The following ANKH variants were observed in gnomAD, a reference collection of about 807,000 sequenced individuals.
ANKH encodes the protein mineralization regulator ANKH.
Under a neutral mutation model 49.0 loss-of-function variants are expected in ANKH, and 15 were observed. That is an observed-to-expected ratio of 0.31 (90% CI 0.20 to 0.47). The LOEUF is 0.47. ANKH is among the 20% of genes least tolerant of loss of function. The pLI is 1.00. For synonymous variants in ANKH, 273 were observed against 260.0 expected, an observed-to-expected ratio of 1.05 and a Z score of -0.48; for missense variants, 429 against 652.0, an observed-to-expected ratio of 0.66 and a Z score of 3.72.
chr5:14,818,963 A>C (rs1312748768), intron 1 of ANKH, among the ~76,000 whole-genome samples: 1 of 152,188 alleles, frequency 6.6e-6, no homozygotes, highest in African/African-American at 2.4e-5. Flanking sequence ...AAATCATACA[A>C]TACTGTATCC....
At chr5:14,821,635 T>G (rs1580094733) in intron 1 of ANKH, among the ~76,000 whole-genome samples, 2 of 152,324 alleles carry the variant, frequency 1.3e-5, no homozygotes, top group African/African-American at 4.8e-5. Context: ...AAGCACAACT[T>G]CCACATTTTC....
Position 14,712,880 on chromosome 5 carries a change from C to T in ANKH, c.1359G>A (p.Arg453=), listed in dbSNP as rs1451110032. 3 of 1,609,094 alleles carry T rather than the reference C, an allele frequency of 1.9e-6. No homozygotes were observed. Among genetic ancestry groups the T allele is most frequent in the Non-Finnish European group, 2.5e-6 (3 of 1,178,270 alleles). Reference sequence around the variant, plus strand: ...CCCGGCGCGGCTGTCTCACCTGCTTCCGGTAGACATAGCACGCAGCGATGG... The same window carrying T: ...CCCGGCGCGGCTGTCTCACCTGCTTTCGGTAGACATAGCACGCAGCGATGG... The part of the protein sequence containing the change: ...MVAIAACYVY[R]KQKKKMENES... Residue 453 remains arginine (R), a synonymous_variant, in exon 11 of 12, where the codon CGG becomes CGA. Transcript: ENST00000284268.
In ANKH at chr5:14,716,811, G is replaced by T; in HGVS notation, c.1036C>A (p.Pro346Thr). ...LTLCFVMFWTPNVSEKILIDI... is the reference protein window; with the variant it reads ...LTLCFVMFWTTNVSEKILIDI... Reference sequence around the variant, plus strand: ...ATCAAGATTTTCTCAGACACGTTGGGTGTCCAAAACATCACGAAACAGAGC... The same window carrying T: ...ATCAAGATTTTCTCAGACACGTTGGTTGTCCAAAACATCACGAAACAGAGC... Residue 346 changes from proline to threonine, a missense_variant, in exon 9 of 12, where the codon CCC becomes ACC. Pro to Thr is a conservative substitution (Grantham distance 38). This residue lies in a region of ANKH where 378 missense variants were observed against 615.3 expected (regional missense o/e 0.61). Transcript: ENST00000284268. The T allele has an allele frequency of 1.2e-6, 2 of 1,614,088 alleles. No homozygotes were observed. The highest frequency in any genetic ancestry group is 1.1e-5 in the South Asian group (1 of 91,076).
At chr5:14,744,438 C>T (rs1738460988) in intron 7 of ANKH, among the ~76,000 whole-genome samples, 1 of 139,140 alleles carries the variant, frequency 7.2e-6, no homozygotes, top group Non-Finnish European at 1.5e-5. Context: ...TTTACCCTTT[C>T]CCACGTGACC....
intron 1 of ANKH, among the ~76,000 whole-genome samples, chr5:14,830,106 A>G (rs886705195): frequency 1.3e-5 from 2 of 152,240 alleles, no homozygotes; most frequent in African/African-American, 4.8e-5. Context: ...AGGATATACT[A>G]AAATCAGCAC....
In ANKH at chr5:14,757,435, T is replaced by C. The variant is rs1246593823; in HGVS notation, c.432+1045A>G. Reference sequence around the variant, plus strand: ...GAACATATATATATATATATATTTTTTTTTTTTTTTTTTTGCTAAGTCTTT... The same window carrying C: ...GAACATATATATATATATATATTTTCTTTTTTTTTTTTTTGCTAAGTCTTT... On this transcript the variant is annotated intron_variant, in intron 3 of 11. Coordinates refer to ENST00000284268, the MANE Select transcript of ANKH (RefSeq NM_054027.6). Among the ~76,000 whole-genome samples, 221 of 131,068 alleles carry C rather than the reference T, an allele frequency of 1.7e-3. 4 individuals are homozygous for C. The highest frequency in any genetic ancestry group is 8.3e-3 in the Middle Eastern group (2 of 240). The allele number at this position is 131,068 out of a possible 152,430, so 86.0% of individuals were successfully genotyped here. A position where few individuals can be genotyped will look rare whatever the true frequency, so the allele number is the denominator to read the frequency against.
At chr5:14,759,198 A>G (rs746355521) in intron 2 of ANKH, among the ~76,000 whole-genome samples, 1 of 152,218 alleles carries the variant, frequency 6.6e-6, no homozygotes, top group Non-Finnish European at 1.5e-5. Flanking sequence ...AACTTAGGGT[A>G]TAGTCCTGCA....
chr5:14,740,067 T>C (rs908957371), intron 8 of ANKH, among the ~76,000 whole-genome samples: 2 of 152,166 alleles, frequency 1.3e-5, no homozygotes, highest in African/African-American at 4.8e-5. Flanking sequence ...TTAAGCCCAA[T>C]CCGGTAAAGC....
At chr5:14,840,797 A>G (rs1298937849) in intron 1 of ANKH, among the ~76,000 whole-genome samples, 1 of 152,198 alleles carries the variant, frequency 6.6e-6, no homozygotes, top group East Asian at 1.9e-4. Flanking sequence ...AGTCAGTAGG[A>G]AAGTGGAAGG....
At chr5:14,777,022 C>T (rs1018999470) in intron 1 of ANKH, among the ~76,000 whole-genome samples, 1 of 152,192 alleles carries the variant, frequency 6.6e-6, no homozygotes, top group South Asian at 2.1e-4. Flanking sequence ...TGGCTCACGC[C>T]TGTAATCCCA....
At chr5:14,848,204 T>C (rs966689902) in intron 1 of ANKH, among the ~76,000 whole-genome samples, 6 of 152,122 alleles carry the variant, frequency 3.9e-5, no homozygotes, top group Non-Finnish European at 7.4e-5. Flanking sequence ...GGAAGGTGAC[T>C]GCACCCACCT....
At chr5:14,753,718 A>T (rs1397214616) in intron 4 of ANKH, among the ~76,000 whole-genome samples, 1 of 151,770 alleles carries the variant, frequency 6.6e-6, no homozygotes, top group Non-Finnish European at 1.5e-5. Flanking sequence ...ATGACGGCAA[A>T]GAAAAGCACT....
intron 1 of ANKH, among the ~76,000 whole-genome samples, chr5:14,827,500 C>T (rs1004063503): frequency 2.6e-5 from 4 of 152,174 alleles, no homozygotes; most frequent in African/African-American, 9.6e-5. Context: ...CTGAGTGTTA[C>T]GCAGGGTCAG....
chr5:14,827,599 C>T (rs982713077), intron 1 of ANKH, among the ~76,000 whole-genome samples: 2 of 152,202 alleles, frequency 1.3e-5, no homozygotes, highest in Non-Finnish European at 2.9e-5. Context: ...CTTTGTTAAC[C>T]AGGTATCTCA....
At position 14,745,153 on chromosome 5, in the gene ANKH, T is replaced by C. The variant is rs946465582; in HGVS notation, c.915+717A>G. ...AAGAAGTAGCAGTCTGTTTGCTTCC[T>C]TCCTGTGTATCATTTTAAAACACTG... On this transcript the variant is annotated intron_variant, in intron 7 of 11. Coordinates refer to ENST00000284268, the MANE Select transcript of ANKH (RefSeq NM_054027.6). This position sits in a 1 kb window ranked among gnomAD's most constrained non-coding sequence, Gnocchi z 4.7. Among the ~76,000 whole-genome samples, 2 of 152,252 alleles carry C rather than the reference T, an allele frequency of 1.3e-5. No individual in the cohort carries two copies. Among genetic ancestry groups the C allele is most frequent in the Non-Finnish European group, 2.9e-5 (2 of 68,034 alleles).
chr5:14,857,403 C>T (rs905226509), intron 1 of ANKH, among the ~76,000 whole-genome samples: 2 of 152,008 alleles, frequency 1.3e-5, no homozygotes, highest in East Asian at 3.9e-4. Flanking sequence ...GCCTGTAATC[C>T]CAGCACTCTG....
intron 1 of ANKH, among the ~76,000 whole-genome samples, chr5:14,854,951 C>G (rs769550036): frequency 1.3e-5 from 2 of 152,126 alleles, no homozygotes; most frequent in African/African-American, 4.8e-5. Context: ...TCTGAGCACA[C>G]CACACCCTAC....
At chr5:14,724,111 A>G (rs1459619294) in intron 8 of ANKH, among the ~76,000 whole-genome samples, 1 of 152,182 alleles carries the variant, frequency 6.6e-6, no homozygotes, top group Non-Finnish European at 1.5e-5. Context: ...TGAGGTCAAG[A>G]GTTCGAGACC....
intron 1 of ANKH, among the ~76,000 whole-genome samples, chr5:14,860,403 C>T (rs544604221): frequency 6.6e-6 from 1 of 152,326 alleles, no homozygotes; most frequent in Admixed American, 6.5e-5. Flanking sequence ...CTCCTCTGTG[C>T]AGTTTGCCTT....
Sources: gnomAD v4.1 joint callset for allele counts (sites outside exome capture counted in the v4.1 genomes callset) on GRCh38, gnomAD v4.1.1 for gene constraint, gnomAD v4.1.1 regional missense constraint, Gnocchi (gnomAD v3.1) non-coding constraint, MANE v1.5 for transcripts, NCBI Gene and HGNC (gene_info 2026-07-23, HGNC 2026-07-21) for gene names.